The following FRMPD1 variants were observed in gnomAD, a reference collection of about 807,000 sequenced individuals.
The protein encoded by FRMPD1 is FERM and PDZ domain containing 1.
FRMPD1 carries 76 observed loss-of-function variants against 117.8 expected under a neutral mutation model. That is an observed-to-expected ratio of 0.65 (90% CI 0.54 to 0.78). FRMPD1 has a LOEUF of 0.78. FRMPD1 is among the 30% of genes least tolerant of loss of function. The probability of loss-of-function intolerance (pLI) is 0.00; values close to 1 mark genes in which losing one functional copy is unlikely to be tolerated. For missense variants in FRMPD1, 1,786 were observed against 1,964.5 expected, an observed-to-expected ratio of 0.91 and a Z score of 1.72; for synonymous variants, 783 against 770.4, an observed-to-expected ratio of 1.02 and a Z score of -0.27.
chr9:37,608,173 G>A, the FRMPD1 span, among the ~76,000 whole-genome samples: 1 of 152,186 alleles, frequency 6.6e-6, no homozygotes, highest in East Asian at 1.9e-4. Context: ...AATTTCTCCT[G>A]ATAAACTGCC....
chr9:37,617,641 T>A, the FRMPD1 span, among the ~76,000 whole-genome samples: 1 of 152,358 alleles, frequency 6.6e-6, no homozygotes, highest in African/African-American at 2.4e-5. Flanking sequence ...CGGGAGACAC[T>A]GTGTCCTCAT....
At chr9:37,693,453 T>C (rs1822218785) in intron 2 of FRMPD1, among the ~76,000 whole-genome samples, 1 of 152,182 alleles carries the variant, frequency 6.6e-6, no homozygotes, top group Non-Finnish European at 1.5e-5. Context: ...GAAACAGCTG[T>C]TCTGCTGCTG....
chr9:37,663,074 G>A (rs956070043), intron 1 of FRMPD1, among the ~76,000 whole-genome samples: 16 of 152,148 alleles, frequency 1.1e-4, no homozygotes, highest in African/African-American at 3.9e-4. Flanking sequence ...TTTAGATACC[G>A]TAGGCTTTTA....
the FRMPD1 span, among the ~76,000 whole-genome samples, chr9:37,618,087 A>T: frequency 6.6e-6 from 1 of 152,220 alleles, no homozygotes; most frequent in Non-Finnish European, 1.5e-5. Context: ...ATGGTGCATG[A>T]GGCAATTAAG....
intron 12 of FRMPD1, 38 bp downstream of exon 12, chr9:37,733,863 G>A (rs1171422469): frequency 8.9e-7 from 1 of 1,120,272 alleles, no homozygotes; most frequent in South Asian, 1.2e-5. Context: ...ACTCACGTAA[G>A]GGACCTTAGA....
the FRMPD1 span, among the ~76,000 whole-genome samples, chr9:37,605,448 C>T: frequency 6.6e-6 from 1 of 152,280 alleles, no homozygotes; most frequent in Non-Finnish European, 1.5e-5. Context: ...AGAAAGCAGC[C>T]TGGTCATTCC....
chr9:37,611,604 G>T, the FRMPD1 span, among the ~76,000 whole-genome samples: 1 of 152,102 alleles, frequency 6.6e-6, no homozygotes, highest in African/African-American at 2.4e-5. Context: ...AGTGTATATT[G>T]GTTCTAAGAG....
rs543341119 is a variant in FRMPD1 at position 37,719,017 on chromosome 9, C to G, written c.409-52C>G. 586 of 1,046,702 alleles carry G rather than the reference C, an allele frequency of 5.6e-4. 12 individuals carry two copies. In the South Asian group the frequency reaches 7.2e-3, roughly 13 times the overall value. The allele number at this position is 1,046,702 out of a possible 1,614,324, so 64.8% of individuals were successfully genotyped here. A position where few individuals can be genotyped will look rare whatever the true frequency, so the allele number is the denominator to read the frequency against. Reference sequence around the variant, plus strand: ...TTAAGAAATGAGAAGATAGATATACCTGGCTTTTATGAAAGCACTGTTCCA... The same window carrying G: ...TTAAGAAATGAGAAGATAGATATACGTGGCTTTTATGAAAGCACTGTTCCA... On this transcript the variant is annotated intron_variant, in intron 5 of 15. Coordinates refer to ENST00000377765, the MANE Select transcript of FRMPD1 (RefSeq NM_014907.3).
chr9:37,658,367 C>T (rs752039104), intron 1 of FRMPD1, among the ~76,000 whole-genome samples: 2 of 152,178 alleles, frequency 1.3e-5, no homozygotes, highest in Admixed American at 6.5e-5. Context: ...CAGTGGTTGA[C>T]GTGGGGTCGG....
At chr9:37,665,534 A>G (rs1251403288) in intron 1 of FRMPD1, among the ~76,000 whole-genome samples, 3 of 152,118 alleles carry the variant, frequency 2.0e-5, no homozygotes, top group African/African-American at 7.2e-5. Flanking sequence ...AAGGAAATAG[A>G]TTGATTTTTT....
At chr9:37,697,841 G>T (rs1003890911) in intron 2 of FRMPD1, among the ~76,000 whole-genome samples, 2 of 152,206 alleles carry the variant, frequency 1.3e-5, no homozygotes, top group Admixed American at 1.3e-4. Flanking sequence ...CTTCGGCTGG[G>T]CGTGGTGGCT....
At chr9:37,739,164 G>A (rs1318326692) in intron 14 of FRMPD1, among the ~76,000 whole-genome samples, 1 of 152,158 alleles carries the variant, frequency 6.6e-6, no homozygotes, top group Non-Finnish European at 1.5e-5. Flanking sequence ...GGAGGGTTCA[G>A]GGCCATCCTG....
chr9:37,688,533 T>G (rs1822026502), intron 1 of FRMPD1, among the ~76,000 whole-genome samples: 2 of 152,072 alleles, frequency 1.3e-5, no homozygotes, highest in African/African-American at 4.8e-5. Context: ...TGTCCAATAA[T>G]TTCACTTCTA....
the FRMPD1 span, among the ~76,000 whole-genome samples, chr9:37,613,293 G>A: frequency 1.3e-5 from 2 of 152,192 alleles, no homozygotes; most frequent in African/African-American, 4.8e-5. Context: ...AGGCATCATA[G>A]CACTGCAGAT....
the FRMPD1 span, among the ~76,000 whole-genome samples, chr9:37,640,926 G>T: frequency 6.6e-6 from 1 of 152,096 alleles, no homozygotes; most frequent in Admixed American, 6.5e-5. Flanking sequence ...TATTACCCAG[G>T]TTGGAGTGCA....
At chr9:37,607,048 C>G in the FRMPD1 span, among the ~76,000 whole-genome samples, 1 of 152,204 alleles carries the variant, frequency 6.6e-6, no homozygotes, top group Admixed American at 6.5e-5. Flanking sequence ...AGCACAGTGG[C>G]TGACACCTAT....
chr9:37,706,000 T>TAAATAAATAAAA (rs1052912923), intron 2 of FRMPD1, among the ~76,000 whole-genome samples: 1 of 140,222 alleles, frequency 7.1e-6, no homozygotes, highest in Admixed American at 7.0e-5. Flanking sequence ...AATAAATAAA[T>TAAATAAATAAAA]AAAAGATTGA....
chr9:37,691,431 C>T (rs1413381575), intron 1 of FRMPD1, among the ~76,000 whole-genome samples: 1 of 152,188 alleles, frequency 6.6e-6, no homozygotes, highest in African/African-American at 2.4e-5. Flanking sequence ...AAAATTTGAA[C>T]ATAGTCTATA....
chr9:37,743,653 T>C (rs940494267), intron 15 of FRMPD1, among the ~76,000 whole-genome samples: 8 of 149,540 alleles, frequency 5.3e-5, no homozygotes, highest in South Asian at 4.3e-4. Context: ...ACTCTAACCA[T>C]TGGGGAGATG....
Sources: allele counts gnomAD v4.1 joint callset (sites outside exome capture counted in the v4.1 genomes callset), GRCh38; gene constraint gnomAD v4.1.1; transcripts MANE v1.5; gene names NCBI Gene and HGNC (gene_info 2026-07-23, HGNC 2026-07-21).